The following CCDC62 variants were observed in gnomAD, a reference collection of about 807,000 sequenced individuals.
The protein encoded by CCDC62 is coiled-coil domain containing 62.
CCDC62 carries 72 observed loss-of-function variants against 80.8 expected under a neutral mutation model. The observed-to-expected ratio is 0.89, with a 90% confidence interval of 0.74 to 1.08. CCDC62 has a LOEUF of 1.08. Ranked by LOEUF, CCDC62 falls within the 50% of genes least tolerant of loss-of-function variation. The probability of loss-of-function intolerance (pLI) is 0.00; values close to 1 mark genes in which losing one functional copy is unlikely to be tolerated. For missense variants in CCDC62, 704 were observed against 809.4 expected, an observed-to-expected ratio of 0.87 and a Z score of 1.58; for synonymous variants, 286 against 296.5, an observed-to-expected ratio of 0.96 and a Z score of 0.36.
At chr12:122,786,689 G>C (rs1288281572) in intron 4 of CCDC62, among the ~76,000 whole-genome samples, 1 of 152,116 alleles carries the variant, frequency 6.6e-6, no homozygotes, top group African/African-American at 2.4e-5. Flanking sequence ...GGCCGGGCAC[G>C]GTGGCTCACG....
intron 10 of CCDC62, among the ~76,000 whole-genome samples, chr12:122,807,385 G>A (rs2031663737): frequency 6.6e-6 from 1 of 151,924 alleles, no homozygotes; most frequent in African/African-American, 2.4e-5. Context: ...AAAAAAATTA[G>A]CCAGGTGTAG....
At chr12:122,814,723 G>T (rs921723332) in intron 11 of CCDC62, among the ~76,000 whole-genome samples, 26 of 152,030 alleles carry the variant, frequency 1.7e-4, no homozygotes, top group African/African-American at 6.0e-4. Flanking sequence ...GACCAGGCTG[G>T]TCTCGAACTC....
chr12:122,812,783 GAAAGAA>G (rs1555257992), intron 10 of CCDC62, among the ~76,000 whole-genome samples: 18 of 111,946 alleles, frequency 1.6e-4, no homozygotes, highest in African/African-American at 7.9e-4. Flanking sequence ...GAGAGAGAAA[GAAAGAA>G]AGAAAGAAAG....
intron 4 of CCDC62, among the ~76,000 whole-genome samples, chr12:122,787,072 ACT>A (rs919829022): frequency 6.6e-5 from 10 of 152,100 alleles, no homozygotes; most frequent in Non-Finnish European, 1.5e-4. Context: ...ATCATAGCAA[ACT>A]CTGGCAAAGC....
In CCDC62 at chr12:122,798,066, T is replaced by G; in HGVS notation, c.862-19T>G. 1 of 1,177,960 alleles carries G rather than the reference T, an allele frequency of 8.5e-7. No homozygotes were observed. The highest frequency in any genetic ancestry group is 1.3e-6 in the Non-Finnish European group (1 of 792,780). The allele number at this position is 1,177,960 out of a possible 1,614,324, so 73.0% of individuals were successfully genotyped here. A position where few individuals can be genotyped will look rare whatever the true frequency, so the allele number is the denominator to read the frequency against. On this transcript the variant is annotated intron_variant, in intron 7 of 12. Coordinates refer to ENST00000253079, the MANE Select transcript of CCDC62 (RefSeq NM_201435.5). Reference sequence around the variant, plus strand: ...TTTTGTTATTACATTTCATGTTGATTTGTCAATATCTATGACAGATTTATG... The same window carrying G: ...TTTTGTTATTACATTTCATGTTGATGTGTCAATATCTATGACAGATTTATG...
At chr12:122,780,429 C>A (rs567633130) in intron 2 of CCDC62, among the ~76,000 whole-genome samples, 1 of 150,892 alleles carries the variant, frequency 6.6e-6, no homozygotes, top group African/African-American at 2.4e-5. Context: ...CTGGCTAACA[C>A]GGTGAAACCC....
At chr12:122,823,693 C>A (rs572615584) in intron 12 of CCDC62, among the ~76,000 whole-genome samples, 153 of 149,004 alleles carry the variant, frequency 1.0e-3, no homozygotes, top group Admixed American at 2.3e-3. Flanking sequence ...CACAGTGAGA[C>A]CTTGTCTCTT....
intron 11 of CCDC62, among the ~76,000 whole-genome samples, chr12:122,815,103 GTTT>G (rs1258738536): frequency 6.6e-6 from 1 of 150,584 alleles, no homozygotes; most frequent in Non-Finnish European, 1.5e-5. Flanking sequence ...TTATTTATTT[GTTT>G]TTTAGAGACA....
At chr12:122,789,024 C>G in intron 5 of CCDC62, 95 bp downstream of exon 5, 1 of 942,458 alleles carries the variant, frequency 1.1e-6, no homozygotes, top group Non-Finnish European at 1.5e-6. Context: ...GAGAGTAGAT[C>G]AATTCCTGGC....
chr12:122,785,744 C>T lies in CCDC62; in HGVS notation c.422C>T (p.Thr141Met), dbSNP rs58131754. 10,361 of 1,613,402 alleles carry T rather than the reference C, an allele frequency of 6.4e-3. 487 individuals carry two copies. The African/African-American group carries it at 0.11, about 18-fold the overall frequency. Residue 141 changes from threonine to methionine, a missense_variant, in exon 4 of 13, where the codon ACG (threonine) becomes ATG (methionine). Transcript: ENST00000253079. ...GCTAGAAACGAAACTCTCAGCAACA[C>T]GTTAGTGGAACTTTCTGCCCAGGTA... Reference protein sequence around the residue: ...LEARNETLSNTLVELSAQVGQ... With the variant: ...LEARNETLSNMLVELSAQVGQ...
At position 122,826,735 on chromosome 12, in the gene CCDC62, G is replaced by T; in HGVS notation, c.*354G>T. 3.7e-6 allele frequency: 1 copy of T among 269,276 alleles called. No individual in the cohort carries two copies. The highest frequency in any genetic ancestry group is 6.2e-6 in the Non-Finnish European group (1 of 160,984). The allele number at this position is 269,276 out of a possible 1,614,324, so 16.7% of individuals were successfully genotyped here. On this transcript the variant is annotated 3_prime_UTR_variant, in exon 13 of 13. Transcript: ENST00000253079. ...TGCTAGAGAAGCTCTTTAAAAATGT[G>T]AATGTCAAATAGAGAAAGAACCCTG...
At chr12:122,806,080 T>TGA in intron 9 of CCDC62, 71 bp from the exon 10 acceptor site, 2 of 1,355,534 alleles carry the variant, frequency 1.5e-6, no homozygotes, top group Non-Finnish European at 2.0e-6. Flanking sequence ...AAGATACTTT[T>TGA]GAGTATAAGA....
intron 8 of CCDC62, among the ~76,000 whole-genome samples, chr12:122,799,994 CTTCTTT>C (rs2031194518): frequency 6.6e-6 from 1 of 151,978 alleles, no homozygotes; most frequent in Non-Finnish European, 1.5e-5. Context: ...CTGGCTCTTT[CTTCTTT>C]TTCCTTTTTT....
intron 6 of CCDC62, among the ~76,000 whole-genome samples, chr12:122,796,874 CTTCTTTTT>C (rs2030989084): frequency 6.2e-5 from 9 of 145,518 alleles, no homozygotes; most frequent in Non-Finnish European, 7.5e-5. Context: ...CAAATCACTT[CTTCTTTTT>C]TTTTTTTTTT....
rs1271578614 is a variant in CCDC62, at chr12:122,806,144, T to C, written c.1707-7T>C. 3 of 1,608,650 alleles carry C rather than the reference T, an allele frequency of 1.9e-6. No individual in the cohort carries two copies. Among genetic ancestry groups the C allele is most frequent in the Admixed American group, 1.7e-5 (1 of 58,590 alleles). ...TATTTGTTTTTGTTGGGTTTTCTTATTCTTAGTGAGCTAATTGCCATCCAA... is the reference window on the plus strand; with the variant it reads ...TATTTGTTTTTGTTGGGTTTTCTTACTCTTAGTGAGCTAATTGCCATCCAA... On this transcript the variant is annotated splice_polypyrimidine_tract_variant and splice_region_variant and intron_variant, in intron 9 of 12. Transcript: ENST00000253079.
chr12:122,777,094 C>A, intron 1 of CCDC62: 1 of 160,504 alleles, frequency 6.2e-6, no homozygotes, highest in Non-Finnish European at 1.4e-5. Flanking sequence ...CCACGCCTGG[C>A]CACTATTTCA....
chr12:122,788,356 A>T (rs1202600650), intron 4 of CCDC62, among the ~76,000 whole-genome samples: 3 of 152,312 alleles, frequency 2.0e-5, no homozygotes, highest in Middle Eastern at 3.4e-3. Context: ...TACCTGTATA[A>T]TCCAGAGGAC....
Position 122,826,634 on chromosome 12 carries a change from T to A in CCDC62, c.*253T>A. 1 of 498,716 alleles carries A rather than the reference T, an allele frequency of 2.0e-6. No individual in the cohort carries two copies. The highest frequency in any genetic ancestry group is 3.5e-6 in the Non-Finnish European group (1 of 282,870). 30.9% of individuals were successfully genotyped at this position (498,716 alleles called of 1,614,324 possible). A position where few individuals can be genotyped will look rare whatever the true frequency, so the allele number is the denominator to read the frequency against. ...TTTTCATGTGTAAGAAAGTAGACCT[T>A]ATTGTACATATAGAAAGTTGGAATT... On this transcript the variant is annotated 3_prime_UTR_variant, in exon 13 of 13. Transcript: ENST00000253079.
chr12:122,825,129 T>G (rs2032563545), intron 12 of CCDC62, among the ~76,000 whole-genome samples: 1 of 150,872 alleles, frequency 6.6e-6, no homozygotes, highest in Admixed American at 6.6e-5. Context: ...TGAAAAAAAA[T>G]CAAAATTAAT....
Sources: allele counts gnomAD v4.1 joint callset (sites outside exome capture counted in the v4.1 genomes callset), GRCh38; gene constraint gnomAD v4.1.1; transcripts MANE v1.5; gene names NCBI Gene and HGNC (gene_info 2026-07-23, HGNC 2026-07-21).